Variants in NPTXR observed in about 807,000 individuals in gnomAD.
The protein encoded by NPTXR is neuronal pentraxin receptor.
Under a neutral mutation model 32.2 loss-of-function variants are expected in NPTXR, and 12 were observed. The observed-to-expected ratio is 0.37, with a 90% confidence interval of 0.24 to 0.60. The LOEUF is 0.60. Among genes scored for constraint, NPTXR ranks in the 20% least tolerant of loss-of-function variants. NPTXR has a pLI of 0.66. For synonymous variants in NPTXR, 323 were observed against 315.8 expected, an observed-to-expected ratio of 1.02 and a Z score of -0.24; for missense variants, 612 against 682.9, an observed-to-expected ratio of 0.90 and a Z score of 1.16.
At chr22:38,832,223 G>A (rs2093117362) in intron 1 of NPTXR, among the ~76,000 whole-genome samples, 1 of 152,226 alleles carries the variant, frequency 6.6e-6, no homozygotes, top group African/African-American at 2.4e-5. Context: ...CCCCGTCCCA[G>A]TGTCTGAATC....
At chr22:38,837,442 C>T (rs78157509) in intron 1 of NPTXR, among the ~76,000 whole-genome samples, 2,295 of 152,332 alleles carry the variant, frequency 0.015, 66 homozygotes, top group African/African-American at 0.052. Context: ...GGAACCAGTG[C>T]CCACTAGGCA....
At chr22:38,827,265 T>C (rs1399338373) in intron 2 of NPTXR, among the ~76,000 whole-genome samples, 4 of 91,328 alleles carry the variant, frequency 4.4e-5, no homozygotes, top group South Asian at 3.0e-4. Context: ...TCTTTCTTTT[T>C]TTTTTTTTTT....
In NPTXR at chr22:38,843,389, T is replaced by C. The variant is rs763863559; in HGVS notation, c.470A>G (p.Lys157Arg). ...CAGGCCGCTCTCGCAGCGGCCCAGC[T>C]TGCCGGTGAGCTCACGGATGGTGTC... is the stretch of plus-strand genomic sequence containing the variant. The change falls in exon 1 of 5, where the codon AAG becomes AGG. Residue 157 changes from lysine (K) to arginine (R), a missense_variant. Coordinates refer to ENST00000333039, the MANE Select transcript of NPTXR (RefSeq NM_014293.4). The surrounding 1 kb of genome is among the most constrained non-coding windows in gnomAD (Gnocchi z 5.3). 1 of 1,413,246 alleles carries C rather than the reference T, an allele frequency of 7.1e-7. No individual in the cohort carries two copies. Among genetic ancestry groups the C allele is most frequent in the East Asian group, 3.0e-5 (1 of 33,466 alleles). 87.5% of individuals were successfully genotyped at this position (1,413,246 alleles called of 1,614,324 possible).
chr22:38,837,579 G>T (rs5757306), intron 1 of NPTXR, among the ~76,000 whole-genome samples: 1 of 152,026 alleles, frequency 6.6e-6, no homozygotes, highest in African/African-American at 2.4e-5. Flanking sequence ...ATAGTTCTGG[G>T]AGTGGGTGGA....
intron 3 of NPTXR, among the ~76,000 whole-genome samples, chr22:38,825,519 A>G (rs1028755012): frequency 2.0e-5 from 3 of 152,304 alleles, no homozygotes; most frequent in South Asian, 2.1e-4. Context: ...ATCTGCTCAA[A>G]GCCCTCTACA....
At chr22:38,832,450 G>T (rs995195044) in intron 1 of NPTXR, among the ~76,000 whole-genome samples, 3 of 152,228 alleles carry the variant, frequency 2.0e-5, no homozygotes, top group Non-Finnish European at 2.9e-5. Context: ...TTTGGCGTAA[G>T]TGTGCTGGGC....
chr22:38,838,573 ATTTTTTTTTTTTT>A (rs139377592), intron 1 of NPTXR, among the ~76,000 whole-genome samples: 2 of 83,204 alleles, frequency 2.4e-5, no homozygotes, highest in Admixed American at 1.3e-4. Flanking sequence ...TCACCTGGCT[ATTTTTTTTTTTTT>A]TTTTTTTTTT....
chr22:38,831,822 A>G (rs2093116698), intron 1 of NPTXR, among the ~76,000 whole-genome samples: 1 of 152,174 alleles, frequency 6.6e-6, no homozygotes, highest in African/African-American at 2.4e-5. Flanking sequence ...CATCATAGGC[A>G]CTTGGCATGT....
intron 1 of NPTXR, among the ~76,000 whole-genome samples, chr22:38,830,552 T>A (rs1281666933): frequency 1.3e-5 from 2 of 152,226 alleles, no homozygotes; most frequent in Non-Finnish European, 2.9e-5. Context: ...CCTAGCAGTC[T>A]GGCTCGCCCG....
chr22:38,832,583 C>A (rs554863457), intron 1 of NPTXR, among the ~76,000 whole-genome samples: 1 of 152,224 alleles, frequency 6.6e-6, no homozygotes, highest in African/African-American at 2.4e-5. Flanking sequence ...TGCCAGGCCC[C>A]GCACTAGGGA....
chr22:38,829,607 G>A (rs1012028692), intron 1 of NPTXR, among the ~76,000 whole-genome samples: 1 of 152,098 alleles, frequency 6.6e-6, no homozygotes, highest in Non-Finnish European at 1.5e-5. Context: ...CATGGTCCCC[G>A]CTACCAGGCC....
Position 38,843,425 on chromosome 22 carries a change from C to A in NPTXR, c.434G>T (p.Arg145Leu). Residue 145 changes from arginine to leucine, a missense_variant, in exon 1 of 5, where the codon CGC (arginine) becomes CTC (leucine). Coordinates refer to ENST00000333039, the MANE Select transcript of NPTXR (RefSeq NM_014293.4). The surrounding 1 kb of genome is among the most constrained non-coding windows in gnomAD (Gnocchi z 5.3). The stretch of plus-strand genomic sequence containing the variant: ...CTCACGGATGGTGTCCTGGTCGGCG[C>A]GGATGCGCGCCTCCTGCTGCAGCGC... 1 of 1,391,350 alleles carries A rather than the reference C, an allele frequency of 7.2e-7. No homozygotes were observed. The highest frequency in any genetic ancestry group is 9.3e-7 in the Non-Finnish European group (1 of 1,079,616). The allele number at this position is 1,391,350 out of a possible 1,614,324, so 86.2% of individuals were successfully genotyped here.
rs920118835 is a variant in NPTXR at position 38,843,165 on chromosome 22, G to A, written c.624+70C>T. On this transcript the variant is annotated intron_variant, in intron 1 of 4. Coordinates refer to ENST00000333039, the MANE Select transcript of NPTXR (RefSeq NM_014293.4). This position sits in a 1 kb window ranked among gnomAD's most constrained non-coding sequence, Gnocchi z 5.3. ...ACGGGAGACCGGAGGCTCGGGGACC[G>A]CCGGACGACCGCGGCCGGGCGGCCC... 16 of 1,243,194 alleles carry A rather than the reference G, an allele frequency of 1.3e-5. No individual in the cohort carries two copies. The African/African-American group carries it at 2.0e-4, about 16-fold the overall frequency. 77.0% of individuals were successfully genotyped at this position (1,243,194 alleles called of 1,614,324 possible).
chr22:38,841,362 C>T (rs2093131370), intron 1 of NPTXR, among the ~76,000 whole-genome samples: 1 of 152,266 alleles, frequency 6.6e-6, no homozygotes, highest in Admixed American at 6.5e-5. Context: ...TTGCCAAATT[C>T]CAGCTGCCAG....
intron 1 of NPTXR, among the ~76,000 whole-genome samples, chr22:38,830,976 G>A (rs1251239733): frequency 6.6e-6 from 1 of 152,324 alleles, no homozygotes; most frequent in East Asian, 1.9e-4. Context: ...AGGTGAAGGT[G>A]GGCATGGGAT....
rs559779761 is a variant in NPTXR, at chr22:38,835,943, C to T, written c.624+7292G>A. Among the ~76,000 whole-genome samples, 13 of 152,278 alleles carry T rather than the reference C, an allele frequency of 8.5e-5. No homozygotes were observed. The South Asian group carries it at 1.2e-3, about 15-fold the overall frequency. On this transcript the variant is annotated intron_variant, in intron 1 of 4. Coordinates refer to ENST00000333039, the MANE Select transcript of NPTXR (RefSeq NM_014293.4). ...CTGGGGAGACGCCCCCCCGCCGCCCCGGCACCCCACCTTCTTCACTCTGTG... is the reference window on the plus strand; with the variant it reads ...CTGGGGAGACGCCCCCCCGCCGCCCTGGCACCCCACCTTCTTCACTCTGTG...
At chr22:38,839,313 G>A (rs551157094) in intron 1 of NPTXR, among the ~76,000 whole-genome samples, 1 of 152,340 alleles carries the variant, frequency 6.6e-6, no homozygotes, top group South Asian at 2.1e-4. Flanking sequence ...GCATCATTGG[G>A]CCAACTCTTG....
Position 38,843,230 on chromosome 22 carries a change from C to T in NPTXR, c.624+5G>A. The T allele has an allele frequency of 7.5e-7, 1 of 1,332,330 alleles. No individual in the cohort carries two copies. The highest frequency in any genetic ancestry group is 9.5e-7 in the Non-Finnish European group (1 of 1,047,668). The allele number at this position is 1,332,330 out of a possible 1,614,324, so 82.5% of individuals were successfully genotyped here. ...GCGGCTCCCCCGACGGCGCGCGGCG[C>T]TCACCTCCAGGCGGTCGATGCGGTC... On this transcript the variant is annotated splice_donor_5th_base_variant and intron_variant, in intron 1 of 4. Coordinates refer to ENST00000333039, the MANE Select transcript of NPTXR (RefSeq NM_014293.4). The surrounding 1 kb of genome is among the most constrained non-coding windows in gnomAD (Gnocchi z 5.3).
At chr22:38,838,765 T>G (rs543831380) in intron 1 of NPTXR, among the ~76,000 whole-genome samples, 65 of 152,098 alleles carry the variant, frequency 4.3e-4, no homozygotes, top group Middle Eastern at 6.8e-3. Flanking sequence ...GCATTTTTAG[T>G]AGAGACGGGG....
Sources: gnomAD v4.1 joint callset for allele counts (sites outside exome capture counted in the v4.1 genomes callset) on GRCh38, gnomAD v4.1.1 for gene constraint, Gnocchi (gnomAD v3.1) non-coding constraint, MANE v1.5 for transcripts, NCBI Gene and HGNC (gene_info 2026-07-23, HGNC 2026-07-21) for gene names.